Variants in ACER3 observed in about 807,000 individuals in gnomAD.
The protein encoded by ACER3 is alkaline ceramidase 3.
ACER3 carries 16 observed loss-of-function variants against 48.9 expected under a neutral mutation model. The ratio of observed to expected loss-of-function variants is 0.33; its 90% CI spans 0.22 to 0.50. The LOEUF is 0.50. Among genes scored for constraint, ACER3 ranks in the 20% least tolerant of loss-of-function variants. The pLI is 0.98. For missense variants in ACER3, 227 were observed against 326.0 expected, an observed-to-expected ratio of 0.70 and a Z score of 2.34; for synonymous variants, 109 against 107.8, an observed-to-expected ratio of 1.01 and a Z score of -0.07.
chr11:77,001,913 T>A (rs1949039270), intron 7 of ACER3, among the ~76,000 whole-genome samples: 1 of 152,182 alleles, frequency 6.6e-6, no homozygotes, highest in South Asian at 2.1e-4. Flanking sequence ...AGGCTAGAAG[T>A]CTGAGACTAG....
intron 3 of ACER3, among the ~76,000 whole-genome samples, chr11:76,963,785 G>A (rs1238208187): frequency 6.6e-6 from 1 of 151,458 alleles, no homozygotes; most frequent in East Asian, 1.9e-4. Flanking sequence ...CCAAAGTCAG[G>A]TTGAAAAGTA....
chr11:76,966,478 C>A (rs1286411891), intron 3 of ACER3, among the ~76,000 whole-genome samples: 1 of 150,852 alleles, frequency 6.6e-6, no homozygotes, highest in Non-Finnish European at 1.5e-5. Flanking sequence ...ATCTACAGAA[C>A]TCTCCACCCC....
At chr11:76,949,760 T>A (rs559577058) in intron 2 of ACER3, among the ~76,000 whole-genome samples, 1 of 152,348 alleles carries the variant, frequency 6.6e-6, no homozygotes, top group African/African-American at 2.4e-5. Context: ...TCTATGGTGC[T>A]AAACTTCACC....
intron 1 of ACER3, among the ~76,000 whole-genome samples, chr11:76,923,269 C>T (rs1218422516): frequency 6.6e-6 from 1 of 152,084 alleles, no homozygotes; most frequent in Non-Finnish European, 1.5e-5. Context: ...CCATCAAAAA[C>T]AAGATAGTAA....
At chr11:76,867,887 C>T (rs1426437843) in intron 1 of ACER3, among the ~76,000 whole-genome samples, 1 of 152,176 alleles carries the variant, frequency 6.6e-6, no homozygotes, top group Non-Finnish European at 1.5e-5. Context: ...TGCTGCCTCT[C>T]TCCCCATCCT....
chr11:77,009,013 T>C (rs1241749198), intron 7 of ACER3, among the ~76,000 whole-genome samples: 6 of 152,202 alleles, frequency 3.9e-5, no homozygotes, highest in African/African-American at 1.2e-4. Flanking sequence ...TGAGCCATGA[T>C]TGTACCACTG....
intron 2 of ACER3, among the ~76,000 whole-genome samples, chr11:76,934,826 A>G (rs553330783): frequency 2.0e-5 from 3 of 152,292 alleles, no homozygotes; most frequent in East Asian, 3.9e-4. Flanking sequence ...TACTCTCTCT[A>G]TAAAATAGAC....
chr11:76,867,328 G>T (rs1945115709), intron 1 of ACER3, among the ~76,000 whole-genome samples: 1 of 151,960 alleles, frequency 6.6e-6, no homozygotes, highest in Admixed American at 6.6e-5. Flanking sequence ...AATTTGCCAG[G>T]TGTGGTGGTA....
At chr11:76,888,358 T>G (rs891040892) in intron 1 of ACER3, among the ~76,000 whole-genome samples, 22 of 152,220 alleles carry the variant, frequency 1.4e-4, no homozygotes, top group African/African-American at 4.3e-4. Context: ...CCTGGCATAT[T>G]TTTTCCCCAG....
Position 76,998,747 on chromosome 11 carries a change from T to A in ACER3, c.439-16T>A. On this transcript the variant is annotated splice_polypyrimidine_tract_variant and intron_variant, in intron 6 of 10. Coordinates refer to ENST00000532485, the MANE Select transcript of ACER3 (RefSeq NM_018367.7). ...CAATAATGATTGTACTAACCTCATT[T>A]TCCGTTCCTATTTAGGTCATGTATG... The A allele has an allele frequency of 6.3e-7, 1 of 1,582,012 alleles. No individual in the cohort carries two copies. Among genetic ancestry groups the A allele is most frequent in the Non-Finnish European group, 8.6e-7 (1 of 1,164,046 alleles).
intron 7 of ACER3, among the ~76,000 whole-genome samples, chr11:77,005,600 C>T (rs1555020724): frequency 6.6e-6 from 1 of 152,054 alleles, no homozygotes; most frequent in African/African-American, 2.4e-5. Context: ...TTCTTTCTTA[C>T]CTCTCTTCCT....
intron 1 of ACER3, among the ~76,000 whole-genome samples, chr11:76,909,326 T>C (rs1946311024): frequency 6.6e-6 from 1 of 151,744 alleles, no homozygotes; most frequent in Non-Finnish European, 1.5e-5. Context: ...ATCATCAGAG[T>C]GAACAGGCAA....
chr11:76,875,159 G>A (rs1304412753), intron 1 of ACER3, among the ~76,000 whole-genome samples: 2 of 126,312 alleles, frequency 1.6e-5, no homozygotes, highest in South Asian at 5.3e-4. Context: ...CTGTTGCCAG[G>A]CTGGAGTGCA....
chr11:76,950,796 A>C (rs1947644595), intron 2 of ACER3, among the ~76,000 whole-genome samples: 1 of 152,048 alleles, frequency 6.6e-6, no homozygotes, highest in Admixed American at 6.6e-5. Context: ...AAAAGTTCCA[A>C]AGTTGATTTG....
chr11:76,867,256 G>A (rs1213644634), intron 1 of ACER3, among the ~76,000 whole-genome samples: 1 of 151,814 alleles, frequency 6.6e-6, no homozygotes, highest in Non-Finnish European at 1.5e-5. Flanking sequence ...ATCACTTGAG[G>A]TCACGAGTTG....
rs150503707 is a variant in ACER3, at chr11:76,872,715, A to G, written c.103+11636A>G. 4.1e-3 allele frequency among the ~76,000 whole-genome samples: 621 copies of G among 152,204 alleles called. 7 individuals are homozygous for G. Among genetic ancestry groups the G allele is most frequent in the African/African-American group, 0.014 (601 of 41,510 alleles). On this transcript the variant is annotated intron_variant, in intron 1 of 10. Coordinates refer to ENST00000532485, the MANE Select transcript of ACER3 (RefSeq NM_018367.7). ...TTCTCCAAACAAAAAGTTTCTAATG[A>G]ACTGTTTTATTATGGTGAAGATACC...
intron 7 of ACER3, among the ~76,000 whole-genome samples, chr11:77,014,216 T>C (rs1949322459): frequency 6.6e-6 from 1 of 152,232 alleles, no homozygotes; most frequent in Admixed American, 6.5e-5. Flanking sequence ...ATCAGTGAAG[T>C]AAAAATAATA....
chr11:76,975,462 A>G (rs1348323557), intron 3 of ACER3, among the ~76,000 whole-genome samples: 1 of 152,100 alleles, frequency 6.6e-6, no homozygotes, highest in Non-Finnish European at 1.5e-5. Flanking sequence ...AATAAATGTT[A>G]TTTCTCAGAG....
chr11:76,868,375 ATCTCTCTC>A (rs751868659), intron 1 of ACER3: 6,488 of 474,928 alleles, frequency 0.014, 382 homozygotes, highest in Middle Eastern at 0.021. Context: ...TAGTTTTAAT[ATCTCTCTC>A]TCTCTCTCTG....
Sources: gnomAD v4.1 joint callset for allele counts (sites outside exome capture counted in the v4.1 genomes callset) on GRCh38, gnomAD v4.1.1 for gene constraint, MANE v1.5 for transcripts, NCBI Gene and HGNC (gene_info 2026-07-23, HGNC 2026-07-21) for gene names.